WDPCP: variants seen among roughly 807,000 people sequenced by gnomAD.
WDPCP encodes WD repeat-containing and planar cell polarity effector protein fritz homolog.
Under a neutral mutation model 93.1 loss-of-function variants are expected in WDPCP, and 71 were observed. The observed-to-expected ratio is 0.76, with a 90% CI of 0.63 to 0.93. WDPCP has a LOEUF of 0.93. Among genes scored for constraint, WDPCP ranks in the 40% least tolerant of loss-of-function variants. WDPCP has a pLI of 0.00. For missense variants in WDPCP, 844 were observed against 887.4 expected (o/e 0.95, Z 0.62); for synonymous variants, 315 against 315.0 (o/e 1.00, Z 0.00).
intron 2 of WDPCP, among the ~76,000 whole-genome samples, chr2:63,791,117 T>C (rs1387818741): frequency 6.6e-6 from 1 of 152,172 alleles, no homozygotes; most frequent in African/African-American, 2.4e-5. Context: ...ACCAGGGAGA[T>C]AGGCTGTTTC....
chr2:63,280,144 G>C (rs921450430), intron 13 of WDPCP, among the ~76,000 whole-genome samples: 1 of 152,082 alleles, frequency 6.6e-6, no homozygotes, highest in East Asian at 1.9e-4. Context: ...AACCAAAAAA[G>C]AGCGCTGTAT....
At chr2:63,147,085 T>C (rs1196258474) in intron 17 of WDPCP, among the ~76,000 whole-genome samples, 1 of 152,184 alleles carries the variant, frequency 6.6e-6, no homozygotes, top group Non-Finnish European at 1.5e-5. Context: ...AAGAATGAAG[T>C]AACTCAGACT....
At chr2:63,699,687 C>T (rs369458786) in intron 2 of WDPCP, among the ~76,000 whole-genome samples, 2 of 152,120 alleles carry the variant, frequency 1.3e-5, no homozygotes, top group South Asian at 2.1e-4. Flanking sequence ...CGAGAAGTCT[C>T]GTTTTCTAAC....
In WDPCP at chr2:63,350,289, G is replaced by A. The variant is rs112589262; in HGVS notation, c.1748+28097C>T. Among the ~76,000 whole-genome samples the A allele has an allele frequency of 2.1e-4, 32 of 152,202 alleles. No homozygotes were observed. The East Asian group carries it at 3.9e-3, about 18-fold the overall frequency. ...GGAACATCCCACACCGGGGCATGTC[G>A]GAGGGTGCAGGGCTGGGGGAGGGAT... is the stretch of plus-strand genomic sequence containing the variant. On this transcript the variant is annotated intron_variant, in intron 12 of 17. Transcript: ENST00000272321.
At chr2:63,773,048 T>A (rs1402210799) in intron 2 of WDPCP, among the ~76,000 whole-genome samples, 2 of 152,010 alleles carry the variant, frequency 1.3e-5, no homozygotes, top group African/African-American at 4.8e-5. Context: ...TCCAAAAGAA[T>A]CTTTAGAGAA....
chr2:63,228,922 A>G (rs1678567754), intron 14 of WDPCP: 1 of 152,100 alleles, frequency 6.6e-6, no homozygotes, highest in Non-Finnish European at 1.5e-5. Context: ...TAGCAGCATG[A>G]TTTATAATCC....
At chr2:63,516,841 C>T (rs1241255894) in intron 1 of WDPCP, among the ~76,000 whole-genome samples, 1 of 152,058 alleles carries the variant, frequency 6.6e-6, no homozygotes, top group Non-Finnish European at 1.5e-5. Flanking sequence ...AATCTTCCCA[C>T]TCTTAACACA....
intron 13 of WDPCP, among the ~76,000 whole-genome samples, chr2:63,292,082 G>A (rs1168550814): frequency 1.4e-5 from 2 of 143,358 alleles, no homozygotes; most frequent in African/African-American, 2.6e-5. Flanking sequence ...GCAGTGAGCC[G>A]AGATCGCGCC....
intron 6 of WDPCP, among the ~76,000 whole-genome samples, chr2:63,479,789 A>C (rs900924838): frequency 6.6e-6 from 1 of 152,084 alleles, no homozygotes; most frequent in African/African-American, 2.4e-5. Context: ...TCTATTCAAC[A>C]TAGTACTGGA....
chr2:63,396,846 T>G (rs577241962), intron 10 of WDPCP, among the ~76,000 whole-genome samples: 10 of 152,164 alleles, frequency 6.6e-5, no homozygotes, highest in Non-Finnish European at 1.2e-4. Flanking sequence ...CCCCAGTGTT[T>G]GCTGTTCATT....
intron 6 of WDPCP, among the ~76,000 whole-genome samples, chr2:63,456,837 C>A (rs1698657242): frequency 1.3e-5 from 2 of 152,116 alleles, no homozygotes; most frequent in Non-Finnish European, 2.9e-5. Flanking sequence ...CATGGCAAAA[C>A]CCTGTCTCTA....
intron 14 of WDPCP, among the ~76,000 whole-genome samples, chr2:63,245,413 C>T (rs542751043): frequency 2.0e-5 from 3 of 152,220 alleles, no homozygotes; most frequent in South Asian, 2.1e-4. Context: ...CACAGAAAGT[C>T]GAGCTTTTTG....
At chr2:63,531,135 G>A (rs1259393713) in intron 1 of WDPCP, among the ~76,000 whole-genome samples, 1 of 152,234 alleles carries the variant, frequency 6.6e-6, no homozygotes, top group African/African-American at 2.4e-5. Context: ...CAACGAGGCT[G>A]GGGGAGGGGC....
intron 12 of WDPCP, among the ~76,000 whole-genome samples, chr2:63,318,302 T>TTATA (rs1686815763): frequency 6.6e-6 from 1 of 152,128 alleles, no homozygotes; most frequent in African/African-American, 2.4e-5. Flanking sequence ...AAAAGAACAC[T>TTATA]TATACACCCC....
chr2:63,475,062 A>T (rs1360081483), intron 6 of WDPCP, among the ~76,000 whole-genome samples: 1 of 152,108 alleles, frequency 6.6e-6, no homozygotes, highest in African/African-American at 2.4e-5. Flanking sequence ...GTGGGAAAAT[A>T]TAAAGTGCTA....
At chr2:63,525,717 G>C (rs1399879740) in intron 1 of WDPCP, among the ~76,000 whole-genome samples, 1 of 152,176 alleles carries the variant, frequency 6.6e-6, no homozygotes, top group Admixed American at 6.5e-5. Context: ...GAGAAGGGCT[G>C]ACTGCCGTTA....
At chr2:63,594,742 A>G in intron 3 of WDPCP, 1 of 583,222 alleles carries the variant, frequency 1.7e-6, no homozygotes, top group Non-Finnish European at 3.0e-6. Flanking sequence ...CTACTAAGGT[A>G]TTTATATGTA....
chr2:63,529,790 A>T (rs1703674957), intron 1 of WDPCP, among the ~76,000 whole-genome samples: 1 of 152,184 alleles, frequency 6.6e-6, no homozygotes, highest in South Asian at 2.1e-4. Flanking sequence ...TCCTCCTTGT[A>T]TCTCTCATAG....
intron 1 of WDPCP, among the ~76,000 whole-genome samples, chr2:63,826,474 T>C (rs985310487): frequency 3.3e-5 from 5 of 152,178 alleles, no homozygotes; most frequent in Non-Finnish European, 1.5e-5. Flanking sequence ...TAACTTTTAG[T>C]TCTTTTTTCT....
Sources: gnomAD v4.1 joint callset for allele counts (sites outside exome capture counted in the v4.1 genomes callset) on GRCh38, gnomAD v4.1.1 for gene constraint, MANE v1.5 for transcripts, NCBI Gene and HGNC (gene_info 2026-07-23, HGNC 2026-07-21) for gene names.